Variants in CNNM1 observed in about 807,000 individuals in gnomAD.
The protein encoded by CNNM1 is metal transporter CNNM1.
Under a neutral mutation model 78.8 loss-of-function variants are expected in CNNM1, and 44 were observed. The ratio of observed to expected loss-of-function variants is 0.56; its 90% CI spans 0.44 to 0.72. The LOEUF (loss-of-function observed/expected upper bound fraction) is 0.72. Ranked by LOEUF, CNNM1 falls within the 30% of genes least tolerant of loss-of-function variation. The pLI, the probability that CNNM1 is intolerant of heterozygous loss-of-function variation, is 0.00. For synonymous variants in CNNM1, 584 were observed against 581.5 expected (o/e 1.00, Z -0.06); for missense variants, 1,101 against 1,292.2 (o/e 0.85, Z 2.27).
chr10:99,357,771 T>G, intron 2 of CNNM1, 116 bp downstream of exon 2: 1 of 984,790 alleles, frequency 1.0e-6, no homozygotes, highest in Non-Finnish European at 1.4e-6. Flanking sequence ...TGCCCTGATG[T>G]GTGTCAGCCA....
Position 99,329,550 on chromosome 10 carries a change from G to A in CNNM1, c.163G>A (p.Val55Met). 6.5e-7 allele frequency: 1 copy of A among 1,529,522 alleles called. No homozygotes were observed. The highest frequency in any genetic ancestry group is 8.7e-7 in the Non-Finnish European group (1 of 1,149,950). The allele number at this position is 1,529,522 out of a possible 1,614,324, so 94.7% of individuals were successfully genotyped here. ...GCCCGAGGACACTGCTGGAGGCCGC[G>A]TGTCCCTGGAGGGGGGCACCCTGCG... is the stretch of plus-strand genomic sequence containing the variant. ...LRPEDTAGGR[V>M]SLEGGTLRAA... The change falls in exon 1 of 11, where the codon GTG becomes ATG. Residue 55 changes from valine to methionine, a missense_variant. Coordinates refer to ENST00000356713, the MANE Select transcript of CNNM1 (RefSeq NM_020348.3).
intron 1 of CNNM1, among the ~76,000 whole-genome samples, chr10:99,343,954 C>T (rs1390887540): frequency 6.6e-6 from 1 of 151,128 alleles, no homozygotes; most frequent in Non-Finnish European, 1.5e-5. Flanking sequence ...AACTCCTGAC[C>T]TCAGGTGATC....
In CNNM1 at chr10:99,362,334, G is replaced by A. The variant is rs1422735329; in HGVS notation, c.1966G>A (p.Ala656Thr). 3 of 1,613,874 alleles carry A rather than the reference G, an allele frequency of 1.9e-6. No homozygotes were observed. The highest frequency in any genetic ancestry group is 1.3e-5 in the African/African-American group (1 of 74,928). Reference protein sequence around the residue: ...ELKFDEKNKKAPEHYLYQRNR... With the variant: ...ELKFDEKNKKTPEHYLYQRNR... ...GAAGTTTGATGAGAAGAACAAGAAGGCCCCGGAACACTACCTCTACCAGCG... is the reference window on the plus strand; with the variant it reads ...GAAGTTTGATGAGAAGAACAAGAAGACCCCGGAACACTACCTCTACCAGCG... The change falls in exon 4 of 11, where the codon GCC becomes ACC. Residue 656 changes from alanine (A) to threonine (T), a missense_variant. Coordinates refer to ENST00000356713, the MANE Select transcript of CNNM1 (RefSeq NM_020348.3).
chr10:99,355,923 G>A (rs1172581647), intron 1 of CNNM1, among the ~76,000 whole-genome samples: 1 of 152,194 alleles, frequency 6.6e-6, no homozygotes, highest in Non-Finnish European at 1.5e-5. Flanking sequence ...GTGACACATT[G>A]TAGTTTATAG....
chr10:99,361,960 C>T (rs2031447257), intron 3 of CNNM1, among the ~76,000 whole-genome samples: 1 of 152,194 alleles, frequency 6.6e-6, no homozygotes, highest in South Asian at 2.1e-4. Context: ...AATAATGAAA[C>T]AGACATTTCC....
intron 1 of CNNM1, among the ~76,000 whole-genome samples, chr10:99,351,998 TA>T (rs1373432862): frequency 1.3e-5 from 2 of 152,246 alleles, no homozygotes; most frequent in East Asian, 3.8e-4. Context: ...TCACGTACCA[TA>T]AAACTCATCC....
At chr10:99,367,771 A>G (rs2031669715) in intron 6 of CNNM1, among the ~76,000 whole-genome samples, 1 of 152,212 alleles carries the variant, frequency 6.6e-6, no homozygotes, top group African/African-American at 2.4e-5. Flanking sequence ...GACTGGTTTC[A>G]TTTAGCTCCT....
At chr10:99,377,277 C>T (rs1404648811) in intron 7 of CNNM1, 59 bp downstream of exon 7, 29 of 1,530,148 alleles carry the variant, frequency 1.9e-5, no homozygotes, top group African/African-American at 6.8e-5. Flanking sequence ...GCTGGCTGAG[C>T]GGGACAAGAA....
intron 7 of CNNM1, among the ~76,000 whole-genome samples, chr10:99,387,403 G>C (rs150688634): frequency 1.3e-3 from 201 of 152,298 alleles, no homozygotes; most frequent in Middle Eastern, 0.01. Context: ...TCCCGACACT[G>C]AGACCTAGGG....
At chr10:99,338,193 A>G (rs1477540675) in intron 1 of CNNM1, among the ~76,000 whole-genome samples, 1 of 152,202 alleles carries the variant, frequency 6.6e-6, no homozygotes, top group Non-Finnish European at 1.5e-5. Flanking sequence ...GGATATGGGT[A>G]AGACAGACCT....
chr10:99,394,211 A>G lies in CNNM1; in HGVS notation c.*2695A>G, dbSNP rs2032555596. The G allele has an allele frequency of 1.3e-5, 2 of 152,428 alleles. No individual in the cohort carries two copies. The highest frequency in any genetic ancestry group is 6.6e-5 in the Admixed American group (1 of 15,262). 9.4% of individuals were successfully genotyped at this position (152,428 alleles called of 1,614,324 possible). ...TCCCCTCCCTATATACCCCCACCCC[A>G]CAAAGATTTTCTTCAGGTTAAAAAA... On this transcript the variant is annotated 3_prime_UTR_variant, in exon 11 of 11. Coordinates refer to ENST00000356713, the MANE Select transcript of CNNM1 (RefSeq NM_020348.3).
At chr10:99,341,789 A>G (rs760552389) in intron 1 of CNNM1, among the ~76,000 whole-genome samples, 1 of 152,202 alleles carries the variant, frequency 6.6e-6, no homozygotes, top group Non-Finnish European at 1.5e-5. Context: ...TATTTGTCAA[A>G]CATAATTTTG....
In CNNM1 at chr10:99,329,669, G is replaced by C; in HGVS notation, c.282G>C (p.Ser94=). The C allele has an allele frequency of 2.6e-6, 4 of 1,556,894 alleles. No individual in the cohort carries two copies. The highest frequency in any genetic ancestry group is 3.4e-6 in the Non-Finnish European group (4 of 1,161,704). The part of the protein sequence containing the change: ...AAPVPSPTLN[S]GENGTGDWAP... ...CGGTGCCCTCACCGACCCTCAACTC[G>C]GGGGAGAATGGCACCGGCGACTGGG... The change falls in exon 1 of 11, where the codon TCG becomes TCC. Residue 94 remains serine (S), a synonymous_variant. Transcript: ENST00000356713.
At chr10:99,336,105 A>G (rs2030171845) in intron 1 of CNNM1, among the ~76,000 whole-genome samples, 1 of 152,288 alleles carries the variant, frequency 6.6e-6, no homozygotes, top group Middle Eastern at 3.4e-3. Flanking sequence ...ATTGCATCCA[A>G]CTGCAGTCAT....
chr10:99,330,032 C>A lies in CNNM1; in HGVS notation c.645C>A (p.Gly215=), dbSNP rs1429237929. The A allele has an allele frequency of 6.7e-7, 1 of 1,486,802 alleles. No individual in the cohort carries two copies. Among genetic ancestry groups the A allele is most frequent in the South Asian group, 1.3e-5 (1 of 77,094 alleles). The allele number at this position is 1,486,802 out of a possible 1,614,324, so 92.1% of individuals were successfully genotyped here. ...TTCGCCCGCGGTTGTACGGCCCAGG[C>A]GGGGACCTGCTGCCCCCTGCGTGGC... The part of the protein sequence containing the change: ...LRVRPRLYGP[G]GDLLPPAWLR... Residue 215 remains glycine (G), a synonymous_variant, in exon 1 of 11, where the codon GGC becomes GGA. Coordinates refer to ENST00000356713, the MANE Select transcript of CNNM1 (RefSeq NM_020348.3).
intron 2 of CNNM1, among the ~76,000 whole-genome samples, chr10:99,358,367 T>C (rs1473390390): frequency 1.3e-5 from 2 of 152,230 alleles, no homozygotes; most frequent in South Asian, 2.1e-4. Context: ...AAGGCATGCT[T>C]TGTCTTTAGG....
In CNNM1 at chr10:99,347,654, A is replaced by C. The variant is rs75913723; in HGVS notation, c.1574-9858A>C. Among the ~76,000 whole-genome samples, 990 of 149,402 alleles carry C rather than the reference A, an allele frequency of 6.6e-3. 5 individuals are homozygous for C. The highest frequency in any genetic ancestry group is 0.011 in the Admixed American group (167 of 14,888). ...TGAGAGTAAGACCCAAAGTCCTTAC[A>C]AAGGCCTTCCTGGCTCTATCACATT... On this transcript the variant is annotated intron_variant, in intron 1 of 10. Coordinates refer to ENST00000356713, the MANE Select transcript of CNNM1 (RefSeq NM_020348.3).
intron 6 of CNNM1, among the ~76,000 whole-genome samples, chr10:99,365,413 C>T (rs2031582102): frequency 6.6e-6 from 1 of 152,196 alleles, no homozygotes; most frequent in Non-Finnish European, 1.5e-5. Flanking sequence ...GGTTTGTCCT[C>T]AGTAAGAAGT....
chr10:99,385,074 A>G (rs979754944), intron 7 of CNNM1, among the ~76,000 whole-genome samples: 3 of 152,112 alleles, frequency 2.0e-5, no homozygotes, highest in Non-Finnish European at 2.9e-5. Flanking sequence ...AAAATTAAAA[A>G]AAGAGTGGTA....
Sources: gnomAD v4.1 joint callset for allele counts (sites outside exome capture counted in the v4.1 genomes callset) on GRCh38, gnomAD v4.1.1 for gene constraint, MANE v1.5 for transcripts, NCBI Gene and HGNC (gene_info 2026-07-23, HGNC 2026-07-21) for gene names.